Variants in NUDT12 observed in about 807,000 individuals in gnomAD.
NUDT12 encodes NAD-capped RNA hydrolase NUDT12.
A neutral mutation model predicts 45.7 loss-of-function variants in NUDT12; 42 were observed. The ratio of observed to expected loss-of-function variants is 0.92; its 90% CI spans 0.72 to 1.19. The LOEUF (loss-of-function observed/expected upper bound fraction) is 1.19. Ranked by LOEUF, NUDT12 falls within the 50% of genes most tolerant of loss-of-function variation. The probability of loss-of-function intolerance (pLI) is 0.00; values close to 1 mark genes in which losing one functional copy is unlikely to be tolerated. For missense variants in NUDT12, 590 were observed against 533.1 expected, an observed-to-expected ratio of 1.11 and a Z score of -1.05; for synonymous variants, 206 against 179.7, an observed-to-expected ratio of 1.15 and a Z score of -1.17.
rs559455312 is a variant in NUDT12, at chr5:103,558,878, C to T, written c.796+1G>A. 2 of 1,546,168 alleles carry T rather than the reference C, an allele frequency of 1.3e-6. No homozygotes were observed. The highest frequency in any genetic ancestry group is 1.7e-6 in the Non-Finnish European group (2 of 1,149,772). On this transcript the variant is annotated splice_donor_variant, in intron 3 of 6. Transcript: ENST00000230792. LOFTEE classifies it high-confidence loss of function. ...AATGAAAAGCAGCATTCATTTCTTA[C>T]CAGCTTCTTTTTCTTTCAATTGCAG...
At position 103,550,744 on chromosome 5, in the gene NUDT12, C is replaced by T; in HGVS notation, c.*117G>A. 3.1e-6 allele frequency: 2 copies of T among 647,104 alleles called. No individual in the cohort carries two copies. The highest frequency in any genetic ancestry group is 2.4e-5 in the South Asian group (1 of 42,512). The allele number at this position is 647,104 out of a possible 1,614,324, so 40.1% of individuals were successfully genotyped here. A position where few individuals can be genotyped will look rare whatever the true frequency, so the allele number is the denominator to read the frequency against. On this transcript the variant is annotated 3_prime_UTR_variant, in exon 7 of 7. Transcript: ENST00000230792. ...AACACTTTGAAAATATTTCGAAAAC[C>T]CAACATCGTATTTTGTGTTGTGACA...
rs1376218792 is a variant in NUDT12, at chr5:103,550,930, AAAG to A, written c.1317_1319del (p.Phe440del). On this transcript the variant is annotated inframe_deletion, in exon 7 of 7. Coordinates refer to ENST00000230792, the MANE Select transcript of NUDT12 (RefSeq NM_031438.4). ...GTGCAATAGCTCGGCTTGGTGGCACAAAGAATGCCTGCTGCTTCCCTTTGGTCA... is the reference window on the plus strand; with the variant it reads ...GTGCAATAGCTCGGCTTGGTGGCACAAATGCCTGCTGCTTCCCTTTGGTCA... 1 of 1,613,802 alleles carries A rather than the reference AAAG, an allele frequency of 6.2e-7. No homozygotes were observed. Among genetic ancestry groups the A allele is most frequent in the Admixed American group, 1.7e-5 (1 of 59,932 alleles).
chr5:103,557,280 G>GGTATATATATATATATATATATATATAT lies in NUDT12; in HGVS notation c.797-1183_797-1182insATATATATATATATATATATATATATAC, dbSNP rs1491335747. ...TATCAGATCTTTTTGATCTTAAAAT[G>GGTATATATATATATATATATATATATAT]ATATATATATATATATATATATATG... On this transcript the variant is annotated intron_variant, in intron 3 of 6. Transcript: ENST00000230792. 3.0e-3 allele frequency among the ~76,000 whole-genome samples: 356 copies of GGTATATATATATATATATATATATATAT among 118,848 alleles called. 37 individuals are homozygous for GGTATATATATATATATATATATATATAT. The highest frequency in any genetic ancestry group is 6.4e-3 in the South Asian group (20 of 3,102). 78.0% of individuals were successfully genotyped at this position (118,848 alleles called of 152,430 possible). A position where few individuals can be genotyped will look rare whatever the true frequency, so the allele number is the denominator to read the frequency against.
At chr5:103,553,994 T>C (rs1268674563) in intron 5 of NUDT12, among the ~76,000 whole-genome samples, 1 of 152,042 alleles carries the variant, frequency 6.6e-6, no homozygotes, top group African/African-American at 2.4e-5. Context: ...AAAAAATATA[T>C]ATAAAGCATA....
At chr5:103,555,160 AAATTTGAGTAGGT>A (rs1748775649) in intron 4 of NUDT12, among the ~76,000 whole-genome samples, 1 of 152,044 alleles carries the variant, frequency 6.6e-6, no homozygotes, top group African/African-American at 2.4e-5. Flanking sequence ...AATGAGAAAA[AAATTTGAGTAGGT>A]AATACATGGA....
intron 5 of NUDT12, 78 bp from the exon 6 acceptor site, chr5:103,552,494 T>A: frequency 9.3e-7 from 1 of 1,070,932 alleles, no homozygotes; most frequent in Non-Finnish European, 1.4e-6. Context: ...TTCAAACATC[T>A]GGAAATCACT....
rs1477469144 is a variant in NUDT12 at position 103,559,026 on chromosome 5, G to A, written c.649C>T (p.Pro217Ser). ...ACCAATCCATCTTCCTCCTCTCTCG[G>A]GACTTCACCAGCATAATTAAGTAGT... ...DKLLNYAGEV[P>S]REEEDGLVAW... The change falls in exon 3 of 7, where the codon CCG becomes TCG. Residue 217 changes from proline to serine, a missense_variant. Coordinates refer to ENST00000230792, the MANE Select transcript of NUDT12 (RefSeq NM_031438.4). 1 of 1,613,596 alleles carries A rather than the reference G, an allele frequency of 6.2e-7. No homozygotes were observed. Among genetic ancestry groups the A allele is most frequent in the Non-Finnish European group, 8.5e-7 (1 of 1,179,730 alleles).
intron 1 of NUDT12, among the ~76,000 whole-genome samples, chr5:103,561,662 T>C (rs1424089964): frequency 6.6e-6 from 1 of 152,202 alleles, no homozygotes; most frequent in Admixed American, 6.5e-5. Context: ...GCTGTACAGC[T>C]CCTGTACTGA....
Position 103,552,310 on chromosome 5 carries a change from G to A in NUDT12, c.1185C>T (p.Ser395=). The change falls in exon 6 of 7, where the codon TCC becomes TCT. Residue 395 remains serine, a synonymous_variant. Coordinates refer to ENST00000230792, the MANE Select transcript of NUDT12 (RefSeq NM_031438.4). ...CTAGAGCTAAGCAACCAATCATTAAGGAGGAAGGCATTGGCCATGGTTGAC... is the reference window on the plus strand; with the variant it reads ...CTAGAGCTAAGCAACCAATCATTAAAGAGGAAGGCATTGGCCATGGTTGAC... ...VACQPWPMPS[S]LMIGCLALAV... The A allele has an allele frequency of 6.2e-7, 1 of 1,613,924 alleles. No individual in the cohort carries two copies.
At chr5:103,560,022 G>A in intron 2 of NUDT12, 21 bp downstream of exon 2, 3 of 1,543,004 alleles carry the variant, frequency 1.9e-6, no homozygotes, top group Non-Finnish European at 2.7e-6. Flanking sequence ...CCTTTCAGGT[G>A]GTACAGCCTA....
At chr5:103,551,027 C>A in intron 6 of NUDT12, 56 bp from the exon 7 acceptor site, 1 of 1,178,704 alleles carries the variant, frequency 8.5e-7, no homozygotes, top group Non-Finnish European at 1.3e-6. Context: ...TATTTAAATA[C>A]TATTCCCATG....
At chr5:103,554,402 C>CA (rs1748747765) in intron 5 of NUDT12, 1 of 158,340 alleles carries the variant, frequency 6.3e-6, no homozygotes, top group Admixed American at 6.5e-5. Flanking sequence ...GTATCTGGGG[C>CA]AATCAAGCAA....
chr5:103,556,024 T>C lies in NUDT12; in HGVS notation c.871A>G (p.Thr291Ala). 6.2e-7 allele frequency: 1 copy of C among 1,612,202 alleles called. No individual in the cohort carries two copies. Among genetic ancestry groups the C allele is most frequent in the Non-Finnish European group, 8.5e-7 (1 of 1,178,786 alleles). ...YKFCPTCGNA[T>A]KIEEGGYKRL... ...TTATAGCCACCTTCTTCAATTTTAG[T>C]TGCATTTCCACAGGTTGGGCAAAAC... Residue 291 changes from threonine to alanine, a missense_variant, in exon 4 of 7, where the codon ACT becomes GCT. Transcript: ENST00000230792.
intron 6 of NUDT12, among the ~76,000 whole-genome samples, chr5:103,551,224 G>A (rs937493081): frequency 2.6e-5 from 4 of 151,700 alleles, no homozygotes; most frequent in Non-Finnish European, 5.9e-5. Context: ...GGGCTCAGGC[G>A]ATCCTCCTGC....
intron 5 of NUDT12, among the ~76,000 whole-genome samples, 158 bp from the exon 6 acceptor site, chr5:103,552,574 A>G (rs539356960): frequency 3.0e-4 from 45 of 152,290 alleles, no homozygotes; most frequent in African/African-American, 8.7e-4. Context: ...GAAGAAAACA[A>G]TTTTTTTAAA....
At chr5:103,561,603 C>T (rs905379975) in intron 1 of NUDT12, among the ~76,000 whole-genome samples, 2 of 152,168 alleles carry the variant, frequency 1.3e-5, no homozygotes, top group Admixed American at 6.5e-5. Context: ...GTTAAAAATA[C>T]TATGCATAAC....
Position 103,558,953 on chromosome 5 carries a change from T to G in NUDT12, c.722A>C (p.Lys241Thr). The G allele has an allele frequency of 6.2e-7, 1 of 1,612,066 alleles. No homozygotes were observed. The highest frequency in any genetic ancestry group is 8.5e-7 in the Non-Finnish European group (1 of 1,179,110). ...AAAGTAACAATTTTCATGTCTTTGC[T>G]TGAATTCTTCAGCAGCAATAGGATC... ...GIDPIAAEEF[K>T]QRHENCYFLH... Residue 241 changes from lysine to threonine, a missense_variant, in exon 3 of 7, where the codon AAG becomes ACG. By Grantham distance (78) the Lys-to-Thr change is moderately conservative (BLOSUM62 -1). Transcript: ENST00000230792.
rs1366546757 is a variant in NUDT12 at position 103,557,512 on chromosome 5, G to A, written c.796+1367C>T. ...GTCTACCATAATCTGGTTTCTGTTC[G>A]TTTCACTCCACTGACGTTTCTCTTG... On this transcript the variant is annotated intron_variant, in intron 3 of 6. Coordinates refer to ENST00000230792, the MANE Select transcript of NUDT12 (RefSeq NM_031438.4). Among the ~76,000 whole-genome samples, 4 of 151,122 alleles carry A rather than the reference G, an allele frequency of 2.6e-5. No individual in the cohort carries two copies. In the South Asian group the frequency reaches 6.3e-4, roughly 24 times the overall value.
chr5:103,556,450 T>G (rs1562619025), intron 3 of NUDT12, among the ~76,000 whole-genome samples: 1 of 152,002 alleles, frequency 6.6e-6, no homozygotes, highest in Non-Finnish European at 1.5e-5. Context: ...AATAGTGATT[T>G]TAATAAAAAT....
Sources: allele counts gnomAD v4.1 joint callset (sites outside exome capture counted in the v4.1 genomes callset), GRCh38; gene constraint gnomAD v4.1.1; transcripts MANE v1.5; gene names NCBI Gene and HGNC (gene_info 2026-07-23, HGNC 2026-07-21).